GARNL3: variants seen among roughly 807,000 people sequenced by gnomAD.
GARNL3 encodes GTPase-activating Rap/Ran-GAP domain-like protein 3.
A neutral mutation model predicts 125.0 loss-of-function variants in GARNL3; 63 were observed. The ratio of observed to expected loss-of-function variants is 0.50; its 90% confidence interval spans 0.41 to 0.62. The LOEUF is 0.62. GARNL3 is among the 20% of genes least tolerant of loss of function. GARNL3 has a pLI of 0.00. For missense variants in GARNL3, 994 were observed against 1,244.0 expected (o/e 0.80, Z 3.02); for synonymous variants, 439 against 457.5 (o/e 0.96, Z 0.52).
chr9:127,319,793 C>G (rs931837618), intron 5 of GARNL3, among the ~76,000 whole-genome samples: 2 of 152,122 alleles, frequency 1.3e-5, no homozygotes, highest in African/African-American at 4.8e-5. Flanking sequence ...ACTCTAGCTC[C>G]TTTCTTCTTT....
chr9:127,355,028 G>A (rs938255112), intron 19 of GARNL3, among the ~76,000 whole-genome samples: 88 of 152,358 alleles, frequency 5.8e-4, no homozygotes, highest in African/African-American at 2.1e-3. Flanking sequence ...CCCGACCTCA[G>A]GTTATTCGCC....
At chr9:127,305,927 C>G (rs1222948675) in intron 2 of GARNL3, among the ~76,000 whole-genome samples, 1 of 152,076 alleles carries the variant, frequency 6.6e-6, no homozygotes. Context: ...TTAAAGAAAA[C>G]TCCTCATATT....
At position 127,305,745 on chromosome 9, in the gene GARNL3, A is replaced by G. The variant is rs1023881751; in HGVS notation, c.220-5891A>G. Reference sequence around the variant, plus strand: ...ACACTACCATACCTGGCTACTTTTTATTTTTTAATTTTATTTATTTATTTA... The same window carrying G: ...ACACTACCATACCTGGCTACTTTTTGTTTTTTAATTTTATTTATTTATTTA... On this transcript the variant is annotated intron_variant, in intron 2 of 27. Transcript: ENST00000373387. Among the ~76,000 whole-genome samples, 5 of 151,432 alleles carry G rather than the reference A, an allele frequency of 3.3e-5. No individual in the cohort carries two copies. In the South Asian group the frequency reaches 1.0e-3, roughly 32 times the overall value.
Position 127,314,922 on chromosome 9 carries a change from G to A in GARNL3, c.438+1363G>A, listed in dbSNP as rs76577733. ...GATGGAAGGGAGCCAGTCATTTGACGAGTAGAAGGGGAATCAGAGAGTGTT... is the reference window on the plus strand; with the variant it reads ...GATGGAAGGGAGCCAGTCATTTGACAAGTAGAAGGGGAATCAGAGAGTGTT... On this transcript the variant is annotated intron_variant, in intron 4 of 27. Transcript: ENST00000373387. 3.4e-3 allele frequency among the ~76,000 whole-genome samples: 517 copies of A among 152,304 alleles called. 4 individuals carry two copies. The highest frequency in any genetic ancestry group is 0.011 in the African/African-American group (460 of 41,560).
At chr9:127,298,339 C>G (rs186903762) in intron 2 of GARNL3, among the ~76,000 whole-genome samples, 49 of 152,164 alleles carry the variant, frequency 3.2e-4, no homozygotes, top group African/African-American at 9.6e-4. Context: ...CCACCATGCC[C>G]GGCTAATTTT....
intron 21 of GARNL3, 54 bp from the exon 22 acceptor site, chr9:127,365,244 CTT>C (rs1328571043): frequency 6.9e-7 from 1 of 1,451,930 alleles, no homozygotes; most frequent in Non-Finnish European, 9.7e-7. Context: ...TTGTAAAAGT[CTT>C]TTCACAGGGT....
Position 127,357,237 on chromosome 9 carries a change from T to C in GARNL3, c.1954T>C (p.Ser652Pro), listed in dbSNP as rs1359873936. 1 of 1,614,186 alleles carries C rather than the reference T, an allele frequency of 6.2e-7. No individual in the cohort carries two copies. Among genetic ancestry groups the C allele is most frequent in the Admixed American group, 1.7e-5 (1 of 60,026 alleles). ...QYIREICLSD[S>P]PMVMTLVDGP... ...CACACAGGAGATCTGTCTGTCTGAC[T>C]CTCCCATGGTGATGACCTTAGTGGA... is the stretch of plus-strand genomic sequence containing the variant. The change falls in exon 21 of 28, where the codon TCT becomes CCT. Residue 652 changes from serine to proline, a missense_variant. Coordinates refer to ENST00000373387, the MANE Select transcript of GARNL3 (RefSeq NM_032293.5).
intron 21 of GARNL3, 163 bp from the exon 22 acceptor site, chr9:127,365,137 C>T: frequency 1.6e-6 from 1 of 626,184 alleles, no homozygotes; most frequent in Non-Finnish European, 2.9e-6. Flanking sequence ...GTATTATAAT[C>T]CCAGCCCCCA....
intron 22 of GARNL3, among the ~76,000 whole-genome samples, chr9:127,372,891 G>A (rs1322028748): frequency 6.6e-6 from 1 of 152,180 alleles, no homozygotes; most frequent in South Asian, 2.1e-4. Flanking sequence ...GGAGTCAGGG[G>A]TGGACTCCAG....
intron 22 of GARNL3, among the ~76,000 whole-genome samples, chr9:127,377,869 T>C (rs532870966): frequency 6.6e-6 from 1 of 151,576 alleles, no homozygotes; most frequent in Admixed American, 6.6e-5. Context: ...TTAAAATTTC[T>C]ATGCCAAAAA....
chr9:127,340,505 C>T (rs893688415), intron 13 of GARNL3, among the ~76,000 whole-genome samples: 5 of 152,008 alleles, frequency 3.3e-5, no homozygotes, highest in African/African-American at 1.2e-4. Flanking sequence ...GAAGATACTG[C>T]TTTCCAGCCT....
intron 2 of GARNL3, among the ~76,000 whole-genome samples, chr9:127,254,665 A>G (rs1260529441): frequency 6.6e-6 from 1 of 152,026 alleles, no homozygotes; most frequent in Non-Finnish European, 1.5e-5. Context: ...GCCACTCGGG[A>G]GACTGAGGCA....
rs570045620 is a variant in GARNL3, at chr9:127,242,970, C to T, written c.-28-109C>T. 3.0e-6 allele frequency: 3 copies of T among 986,364 alleles called. No individual in the cohort carries two copies. The highest frequency in any genetic ancestry group is 1.2e-4 in the East Asian group (2 of 16,398). The allele number at this position is 986,364 out of a possible 1,614,324, so 61.1% of individuals were successfully genotyped here. A position where few individuals can be genotyped will look rare whatever the true frequency, so the allele number is the denominator to read the frequency against. ...TTGAGGGTGCTTCAGTGTCACCCTC[C>T]TCCTTGCTTACCAGCGGGGCTGCCT... On this transcript the variant is annotated intron_variant, in intron 1 of 10. Transcript: ENST00000439286. The surrounding 1 kb of genome is among the most constrained non-coding windows in gnomAD (Gnocchi z 4.6).
intron 2 of GARNL3, among the ~76,000 whole-genome samples, chr9:127,243,980 A>G (rs186685888): frequency 1.3e-5 from 2 of 152,366 alleles, no homozygotes; most frequent in African/African-American, 2.4e-5. Flanking sequence ...TGCTTCATCA[A>G]TTCAATGCAA....
chr9:127,232,826 AG>A (rs2063042587), intron 1 of GARNL3, among the ~76,000 whole-genome samples: 2 of 152,214 alleles, frequency 1.3e-5, no homozygotes, highest in Admixed American at 1.3e-4. Flanking sequence ...TTTATGCTCA[AG>A]GCCTTTCCTC....
intron 21 of GARNL3, among the ~76,000 whole-genome samples, chr9:127,359,045 G>A (rs1359001311): frequency 6.6e-6 from 1 of 152,116 alleles, no homozygotes; most frequent in East Asian, 1.9e-4. Flanking sequence ...AGGAGAAGGA[G>A]TGGGTCCTGA....
intron 13 of GARNL3, among the ~76,000 whole-genome samples, chr9:127,340,456 C>T (rs1404684497): frequency 7.9e-5 from 12 of 151,926 alleles, no homozygotes; most frequent in South Asian, 2.1e-4. Flanking sequence ...GCTTGCTAGC[C>T]GCACGCCCTG....
chr9:127,336,439 T>C (rs1394174731), intron 11 of GARNL3, among the ~76,000 whole-genome samples: 3 of 152,256 alleles, frequency 2.0e-5, no homozygotes. Context: ...GGATTAATTC[T>C]CAGAGAATTC....
At chr9:127,277,375 C>T (rs942565637) in intron 1 of GARNL3, among the ~76,000 whole-genome samples, 1 of 150,224 alleles carries the variant, frequency 6.7e-6, no homozygotes, top group Non-Finnish European at 1.5e-5. Flanking sequence ...CTCAAAAATT[C>T]CATTTAACAA....
Sources: allele counts gnomAD v4.1 joint callset (sites outside exome capture counted in the v4.1 genomes callset), GRCh38; gene constraint gnomAD v4.1.1; non-coding constraint Gnocchi (gnomAD v3.1); transcripts MANE v1.5; gene names NCBI Gene and HGNC (gene_info 2026-07-23, HGNC 2026-07-21).